The following GNPTG variants were observed in gnomAD, a reference collection of about 807,000 sequenced individuals.
GNPTG encodes the protein N-acetylglucosamine-1-phosphate transferase subunit gamma.
In GNPTG, 46 loss-of-function variants were observed where a neutral mutation model predicts 43.8. That is an observed-to-expected ratio of 1.05 (90% CI 0.83 to 1.34). The LOEUF is 1.34. GNPTG is among the 40% of genes most tolerant of loss of function. The pLI, the probability that GNPTG is intolerant of heterozygous loss-of-function variation, is 0.00. For synonymous variants in GNPTG, 250 were observed against 172.8 expected, an observed-to-expected ratio of 1.45 and a Z score of -3.50; for missense variants, 549 against 411.3, an observed-to-expected ratio of 1.33 and a Z score of -2.90.
At chr16:1,355,377 CAG>C (rs2034758781) in intron 3 of GNPTG, among the ~76,000 whole-genome samples, 1 of 152,142 alleles carries the variant, frequency 6.6e-6, no homozygotes, top group African/African-American at 2.4e-5. Context: ...CTGAGAAACT[CAG>C]GGGCGTGGTG....
rs372039531 is a variant in GNPTG, at chr16:1,361,774, G to C, written c.210G>C (p.Lys70Asn). Residue 70 changes from lysine to asparagine, a missense_variant, in exon 4 of 11, where the codon AAG becomes AAC. Coordinates refer to ENST00000204679, the MANE Select transcript of GNPTG (RefSeq NM_032520.5). ...GPVHLFRLSGKCFSLVESTYK... is the reference protein window; with the variant it reads ...GPVHLFRLSGNCFSLVESTYK... ...TGCATCTCTTCCGACTCTCGGGCAA[G>C]TGCTTCAGCCTGGTGGAGTCCACGT... 6 of 1,614,190 alleles carry C rather than the reference G, an allele frequency of 3.7e-6. No homozygotes were observed. The East Asian group carries it at 1.3e-4, about 36-fold the overall frequency.
chr16:1,362,176 C>T lies in GNPTG; in HGVS notation c.412-30C>T, dbSNP rs200508759. 3.7e-6 allele frequency: 6 copies of T among 1,613,132 alleles called. No homozygotes were observed. In the Admixed American group the frequency reaches 1.0e-4, roughly 27 times the overall value. On this transcript the variant is annotated intron_variant, in intron 6 of 10. Coordinates refer to ENST00000204679, the MANE Select transcript of GNPTG (RefSeq NM_032520.5). ...CCCGGGAAGAGGGGCCCCAGTCTCCCCAACCCACCTACCCACGTTCCCTCC... is the reference window on the plus strand; with the variant it reads ...CCCGGGAAGAGGGGCCCCAGTCTCCTCAACCCACCTACCCACGTTCCCTCC...
At chr16:1,355,045 G>T (rs2034751518) in intron 3 of GNPTG, among the ~76,000 whole-genome samples, 2 of 151,996 alleles carry the variant, frequency 1.3e-5, no homozygotes, top group South Asian at 4.1e-4. Context: ...GCGGGGTCGG[G>T]TGTGGATGGT....
At chr16:1,353,182 G>A (rs974813488) in intron 3 of GNPTG, among the ~76,000 whole-genome samples, 1 of 152,082 alleles carries the variant, frequency 6.6e-6, no homozygotes, top group Admixed American at 6.6e-5. Flanking sequence ...TCACCGTATT[G>A]ACCAGGCGGG....
chr16:1,352,075 C>A (rs775363099), intron 1 of GNPTG, 27 bp from the exon 2 acceptor site: 1 of 1,546,572 alleles, frequency 6.5e-7, no homozygotes, highest in South Asian at 1.2e-5. Flanking sequence ...ACCCCGGCCT[C>A]CCCGCTCACG....
At chr16:1,356,005 G>GTGTGGGGGT in intron 3 of GNPTG, among the ~76,000 whole-genome samples, 1 of 152,110 alleles carries the variant, frequency 6.6e-6, no homozygotes, top group South Asian at 2.1e-4. Context: ...TCTTGGTGGC[G>GTGTGGGGGT]TGTGGGGGTT....
At position 1,352,289 on chromosome 16, in the gene GNPTG, A is replaced by T. The variant is rs368478807; in HGVS notation, c.161A>T (p.Asp54Val). The change falls in exon 3 of 11, where the codon GAT (aspartate) becomes GTT (valine). Residue 54 changes from aspartate to valine, a missense_variant. Transcript: ENST00000204679. ...PQASRLQAKR[D>V]PSPVSGPVHL... The stretch of plus-strand genomic sequence containing the variant: ...GCCAGTCGCCTCCAGGCCAAGAGGG[A>T]TCCTTCACCCGTGTCTGGTGAGTGA... The T allele has an allele frequency of 1.3e-4, 201 of 1,548,232 alleles. 1 individual carries two copies. The African/African-American group carries it at 2.6e-3, about 20-fold the overall frequency.
At chr16:1,360,372 C>T (rs1219545360) in intron 3 of GNPTG, among the ~76,000 whole-genome samples, 1 of 152,196 alleles carries the variant, frequency 6.6e-6, no homozygotes, top group East Asian at 1.9e-4. Context: ...CACCTGTAAT[C>T]CCAGCACTTG....
rs2034969990 is a variant in GNPTG at position 1,363,153 on chromosome 16, G to A, written c.*62G>A. The A allele has an allele frequency of 3.1e-5, 43 of 1,387,604 alleles. No individual in the cohort carries two copies. Among genetic ancestry groups the A allele is most frequent in the Non-Finnish European group, 4.0e-5 (40 of 989,372 alleles). The allele number at this position is 1,387,604 out of a possible 1,614,324, so 86.0% of individuals were successfully genotyped here. A position where few individuals can be genotyped will look rare whatever the true frequency, so the allele number is the denominator to read the frequency against. On this transcript the variant is annotated 3_prime_UTR_variant, in exon 11 of 11. Coordinates refer to ENST00000204679, the MANE Select transcript of GNPTG (RefSeq NM_032520.5). The stretch of plus-strand genomic sequence containing the variant: ...AGCCCTACAGAGAAGCTGGCTGGTA[G>A]GACCCGCAGGGACCAGCTGACCAGG...
rs763127645 is a variant in GNPTG, at chr16:1,361,925, TC to T, written c.289del (p.Arg97AlafsTer27). ...FHNVTQHEQT[F>X]RWNAYSGILG... Reference sequence around the variant, plus strand: ...AACGTGACCCAGCACGAGCAGACCTTCCGCTGGAACGCCTACAGTGGGATCC... The same window carrying T: ...AACGTGACCCAGCACGAGCAGACCTTCGCTGGAACGCCTACAGTGGGATCC... On this transcript the variant is annotated frameshift_variant, in exon 5 of 11. Coordinates refer to ENST00000204679, the MANE Select transcript of GNPTG (RefSeq NM_032520.5). LOFTEE classifies it high-confidence loss of function. The T allele has an allele frequency of 6.2e-7, 1 of 1,613,644 alleles. No individual in the cohort carries two copies. Among genetic ancestry groups the T allele is most frequent in the Admixed American group, 1.7e-5 (1 of 60,022 alleles).
chr16:1,361,658 C>T, intron 3 of GNPTG, 85 bp from the exon 4 acceptor site: 1 of 1,443,616 alleles, frequency 6.9e-7, no homozygotes, highest in Non-Finnish European at 9.7e-7. Context: ...AAAAAGAAAA[C>T]TGGTCCTTTG....
At chr16:1,357,047 A>C (rs2034791284) in intron 3 of GNPTG, among the ~76,000 whole-genome samples, 1 of 152,174 alleles carries the variant, frequency 6.6e-6, no homozygotes, top group Non-Finnish European at 1.5e-5. Flanking sequence ...CCTGTTGGGC[A>C]GGGCCCTAGG....
At position 1,363,608 on chromosome 16, in the gene GNPTG, G is replaced by A. The variant is rs761320112; in HGVS notation, c.*517G>A. On this transcript the variant is annotated 3_prime_UTR_variant, in exon 11 of 11. Coordinates refer to ENST00000204679, the MANE Select transcript of GNPTG (RefSeq NM_032520.5). ...CCCGTGCCCGCCATGGCCACAGGGGGGAGCTGCTGGGCGCGCCTCCACCTC... is the reference window on the plus strand; with the variant it reads ...CCCGTGCCCGCCATGGCCACAGGGGAGAGCTGCTGGGCGCGCCTCCACCTC... The A allele has an allele frequency of 3.9e-5, 8 of 207,470 alleles. No homozygotes were observed. Among genetic ancestry groups the A allele is most frequent in the Non-Finnish European group, 7.9e-5 (8 of 100,650 alleles). 12.9% of individuals were successfully genotyped at this position (207,470 alleles called of 1,614,324 possible). A position where few individuals can be genotyped will look rare whatever the true frequency, so the allele number is the denominator to read the frequency against.
In GNPTG at chr16:1,361,288, A is replaced by G. The variant is rs1204776681; in HGVS notation, c.179-455A>G. The G allele has an allele frequency of 2.6e-5, 5 of 190,430 alleles. No individual in the cohort carries two copies. The South Asian group carries it at 2.7e-4, about 10-fold the overall frequency. The allele number at this position is 190,430 out of a possible 1,614,324, so 11.8% of individuals were successfully genotyped here. On this transcript the variant is annotated intron_variant, in intron 3 of 10. Transcript: ENST00000204679. The stretch of plus-strand genomic sequence containing the variant: ...TATTTTTAGAATTCTCGGTTTTGTC[A>G]GTTTCTTCCATTGAATGGTACCTGT...
At position 1,364,091 on chromosome 16, in the gene GNPTG, T is replaced by C. The variant is rs995266362; in HGVS notation, c.*1000T>C. On this transcript the variant is annotated 3_prime_UTR_variant, in exon 11 of 11. Transcript: ENST00000204679. ...TGGGAACCAAGTGCATAAATACAAA[T>C]AAAAACAGAGTTTACACATCGATGA... 6.6e-6 allele frequency: 1 copy of C among 152,076 alleles called. No individual in the cohort carries two copies. The highest frequency in any genetic ancestry group is 1.5e-5 in the Non-Finnish European group (1 of 68,002). The allele number at this position is 152,076 out of a possible 1,614,324, so 9.4% of individuals were successfully genotyped here.
At chr16:1,358,320 G>A (rs1053476921) in intron 3 of GNPTG, 3 of 152,384 alleles carry the variant, frequency 2.0e-5, no homozygotes, top group Admixed American at 2.0e-4. Context: ...CCATTCTGCT[G>A]TCTCTGAACT....
At chr16:1,353,401 C>A (rs1417097660) in intron 3 of GNPTG, among the ~76,000 whole-genome samples, 4 of 152,176 alleles carry the variant, frequency 2.6e-5, no homozygotes, top group African/African-American at 9.7e-5. Flanking sequence ...GATGGAGGAA[C>A]AGGCACTGAG....
intron 3 of GNPTG, among the ~76,000 whole-genome samples, chr16:1,360,341 C>G (rs1042664360): frequency 9.2e-5 from 14 of 152,274 alleles, no homozygotes; most frequent in African/African-American, 3.4e-4. Flanking sequence ...GTTAGTCTTT[C>G]AGGCCGGGCA....
At chr16:1,352,503 C>CTTCCT (rs1567179831) in intron 3 of GNPTG, 197 bp downstream of exon 3, 2 of 646,822 alleles carry the variant, frequency 3.1e-6, no homozygotes, top group African/African-American at 3.6e-5. Context: ...AGACTTAGTC[C>CTTCCT]TTCCTTTCCT....
Sources: gnomAD v4.1 joint callset for allele counts (sites outside exome capture counted in the v4.1 genomes callset) on GRCh38, gnomAD v4.1.1 for gene constraint, MANE v1.5 for transcripts, NCBI Gene and HGNC (gene_info 2026-07-23, HGNC 2026-07-21) for gene names.